CDK14: variants seen among roughly 807,000 people sequenced by gnomAD.
The protein encoded by CDK14 is cyclin dependent kinase 14.
In CDK14, 34 loss-of-function variants were observed where a neutral mutation model predicts 60.7. That is an observed-to-expected ratio of 0.56 (90% CI 0.43 to 0.75). CDK14 has a LOEUF of 0.75. Among genes scored for constraint, CDK14 ranks in the 30% least tolerant of loss-of-function variants. CDK14 has a pLI of 0.00. For missense variants in CDK14, 482 were observed against 564.1 expected, an observed-to-expected ratio of 0.85 and a Z score of 1.47; for synonymous variants, 197 against 203.7, an observed-to-expected ratio of 0.97 and a Z score of 0.28.
At chr7:90,919,161 A>T (rs1335209468) in intron 8 of CDK14, among the ~76,000 whole-genome samples, 2 of 152,212 alleles carry the variant, frequency 1.3e-5, no homozygotes, top group Non-Finnish European at 2.9e-5. Context: ...GTGTCAGGAA[A>T]TGAAAAAGGA....
chr7:90,632,971 C>T (rs1322441761), intron 2 of CDK14, among the ~76,000 whole-genome samples: 1 of 151,900 alleles, frequency 6.6e-6, no homozygotes, highest in Non-Finnish European at 1.5e-5. Flanking sequence ...TGCCTGTAGT[C>T]TGTAGTCTCA....
At chr7:90,795,015 C>G (rs757831244) in intron 5 of CDK14, among the ~76,000 whole-genome samples, 1 of 152,160 alleles carries the variant, frequency 6.6e-6, no homozygotes, top group South Asian at 2.1e-4. Flanking sequence ...CAACAGTTGT[C>G]TCATGTCCCA....
At chr7:90,951,670 C>T (rs1794267953) in intron 8 of CDK14, among the ~76,000 whole-genome samples, 1 of 152,162 alleles carries the variant, frequency 6.6e-6, no homozygotes, top group Non-Finnish European at 1.5e-5. Context: ...ATTAAATGTA[C>T]ATGGAATATA....
intron 14 of CDK14, among the ~76,000 whole-genome samples, chr7:91,179,802 CAA>C (rs554031785): frequency 2.1e-5 from 3 of 140,470 alleles, no homozygotes. Context: ...GACTCCGTCT[CAA>C]AAAAAAAAAA....
chr7:91,144,578 C>T (rs1251998828), intron 14 of CDK14, among the ~76,000 whole-genome samples: 4 of 152,118 alleles, frequency 2.6e-5, no homozygotes, highest in Admixed American at 6.5e-5. Flanking sequence ...AAGGGAGAAG[C>T]GACGCAGATA....
At chr7:91,000,470 C>T (rs1349590962) in intron 10 of CDK14, among the ~76,000 whole-genome samples, 1 of 152,210 alleles carries the variant, frequency 6.6e-6, no homozygotes, top group South Asian at 2.1e-4. Flanking sequence ...TGACATGCCA[C>T]ACCATATGTT....
chr7:91,015,632 A>G (rs958992331), intron 10 of CDK14, among the ~76,000 whole-genome samples: 6 of 141,278 alleles, frequency 4.2e-5, no homozygotes, highest in Non-Finnish European at 9.0e-5. Context: ...GGTTCAAGCC[A>G]TTCTCCTGCT....
At chr7:90,700,997 C>T (rs1254671266) in intron 2 of CDK14, among the ~76,000 whole-genome samples, 3 of 152,178 alleles carry the variant, frequency 2.0e-5, no homozygotes, top group Non-Finnish European at 2.9e-5. Context: ...ATGTAGTTTA[C>T]TTTACAATGT....
chr7:90,923,503 C>T (rs552582319), intron 8 of CDK14, among the ~76,000 whole-genome samples: 29 of 152,162 alleles, frequency 1.9e-4, no homozygotes, highest in South Asian at 6.2e-4. Flanking sequence ...TATACTATTC[C>T]ATCTATGAGA....
intron 5 of CDK14, among the ~76,000 whole-genome samples, chr7:90,842,591 A>T (rs1242187570): frequency 6.6e-6 from 1 of 152,080 alleles, no homozygotes; most frequent in Non-Finnish European, 1.5e-5. Flanking sequence ...ACAATCTGGA[A>T]GTAAAACCCA....
At chr7:91,118,971 G>A (rs1562912229) in intron 14 of CDK14, among the ~76,000 whole-genome samples, 2 of 152,136 alleles carry the variant, frequency 1.3e-5, no homozygotes, top group Admixed American at 6.5e-5. Context: ...TTCTGAAAAG[G>A]CCATCTTTCT....
At chr7:90,610,558 G>T (rs961959247) in intron 2 of CDK14, among the ~76,000 whole-genome samples, 1 of 152,174 alleles carries the variant, frequency 6.6e-6, no homozygotes, top group African/African-American at 2.4e-5. Flanking sequence ...TTAAATAACA[G>T]AATTTTTATT....
At chr7:90,658,827 T>C (rs1015794417) in intron 2 of CDK14, among the ~76,000 whole-genome samples, 2 of 152,142 alleles carry the variant, frequency 1.3e-5, no homozygotes, top group Non-Finnish European at 2.9e-5. Context: ...AAGAGTGTAA[T>C]TGATGTGTCA....
At chr7:90,917,574 T>G (rs1382970329) in intron 7 of CDK14, 27 bp from the exon 8 acceptor site, 1 of 1,609,120 alleles carries the variant, frequency 6.2e-7, no homozygotes, top group East Asian at 2.2e-5. Context: ...GTGTTCTGAT[T>G]TTAACCTTTG....
At chr7:90,989,624 A>G (rs762632699) in intron 10 of CDK14, among the ~76,000 whole-genome samples, 6 of 152,202 alleles carry the variant, frequency 3.9e-5, no homozygotes, top group Non-Finnish European at 8.8e-5. Context: ...TGGTCAGCAG[A>G]TGTGAGACCC....
At chr7:90,960,139 TTATATTCCTCTATAGAGGAATATAAA>T (rs1342827485) in intron 9 of CDK14, among the ~76,000 whole-genome samples, 5 of 152,100 alleles carry the variant, frequency 3.3e-5, no homozygotes, top group African/African-American at 7.2e-5. Flanking sequence ...CAAATAAGCT[TTATATTCCTCTATAGAGGAATATAAA>T]TTTTTAAAAT....
intron 2 of CDK14, among the ~76,000 whole-genome samples, chr7:90,636,811 A>T (rs1319100521): frequency 6.6e-6 from 1 of 152,060 alleles, no homozygotes; most frequent in African/African-American, 2.4e-5. Flanking sequence ...GCAATTTTGG[A>T]TCCTGTTATT....
rs1563029946 is a variant in CDK14, at chr7:90,649,350, TTCCTTCCTTCCTTCCTTTCCTTCC to T, written c.123+45103_123+45126del. Among the ~76,000 whole-genome samples, 14 of 49,126 alleles carry T rather than the reference TTCCTTCCTTCCTTCCTTTCCTTCC, an allele frequency of 2.8e-4. 1 individual carries two copies. Among genetic ancestry groups the T allele is most frequent in the African/African-American group, 1.2e-3 (9 of 7,758 alleles). 32.2% of individuals were successfully genotyped at this position (49,126 alleles called of 152,430 possible). A position where few individuals can be genotyped will look rare whatever the true frequency, so the allele number is the denominator to read the frequency against. On this transcript the variant is annotated intron_variant, in intron 2 of 14. Transcript: ENST00000380050. ...CTTCCTTCCTTCCTTCCTTCCTTCC[TTCCTTCCTTCCTTCCTTTCCTTCC>T]TTCCTTCCTTCCTTCCTTCCTTCTT...
In CDK14 at chr7:90,596,405, C is replaced by T. The variant is rs1027962086; in HGVS notation, c.-223C>T. 8 of 279,530 alleles carry T rather than the reference C, an allele frequency of 2.9e-5. No individual in the cohort carries two copies. The highest frequency in any genetic ancestry group is 4.7e-5 in the Non-Finnish European group (7 of 150,418). 17.3% of individuals were successfully genotyped at this position (279,530 alleles called of 1,614,324 possible). On this transcript the variant is annotated 5_prime_UTR_variant, in exon 1 of 15. The change creates a new upstream start codon in the 5' untranslated region. Coordinates refer to ENST00000380050, the MANE Select transcript of CDK14 (RefSeq NM_001287135.2). ...GCGAGCGCGGCCGCCCCCGGCACCACGTAAACCGCCCCCGCCCGCCCAGCT... is the reference window on the plus strand; with the variant it reads ...GCGAGCGCGGCCGCCCCCGGCACCATGTAAACCGCCCCCGCCCGCCCAGCT...
Sources: gnomAD v4.1 joint callset for allele counts (sites outside exome capture counted in the v4.1 genomes callset) on GRCh38, gnomAD v4.1.1 for gene constraint, MANE v1.5 for transcripts, NCBI Gene and HGNC (gene_info 2026-07-23, HGNC 2026-07-21) for gene names.